The following MRAP2 variants were observed in gnomAD, a reference collection of about 807,000 sequenced individuals.
MRAP2 encodes the protein melanocortin 2 receptor accessory protein 2.
Under a neutral mutation model 17.4 loss-of-function variants are expected in MRAP2, and 20 were observed. The ratio of observed to expected loss-of-function variants is 1.15; its 90% CI spans 0.81 to 1.67. The LOEUF (loss-of-function observed/expected upper bound fraction) is 1.67, where lower values mean the gene tolerates loss of function less well. MRAP2 is among the 40% of genes most tolerant of loss of function. The pLI, the probability that MRAP2 is intolerant of heterozygous loss-of-function variation, is 0.00. For missense variants in MRAP2, 238 were observed against 240.0 expected, an observed-to-expected ratio of 0.99 and a Z score of 0.05; for synonymous variants, 96 against 88.4, an observed-to-expected ratio of 1.09 and a Z score of -0.48.
the MRAP2 span, among the ~76,000 whole-genome samples, chr6:84,138,733 T>A: frequency 6.6e-5 from 10 of 152,342 alleles, no homozygotes; most frequent in East Asian, 1.9e-3. Flanking sequence ...TTAAGTTAAC[T>A]AAAACTGACT....
At chr6:84,076,548 CAG>C (rs1272314789) in intron 3 of MRAP2, among the ~76,000 whole-genome samples, 1 of 151,934 alleles carries the variant, frequency 6.6e-6, no homozygotes, top group Non-Finnish European at 1.5e-5. Context: ...TTAGTAGAGA[CAG>C]GGTTTCACCA....
intron 3 of MRAP2, among the ~76,000 whole-genome samples, chr6:84,082,479 A>G (rs2099499253): frequency 6.6e-6 from 1 of 152,282 alleles, no homozygotes; most frequent in Non-Finnish European, 1.5e-5. Flanking sequence ...TCTTTCTTAA[A>G]TGACCAGTCA....
chr6:84,089,023 G>T (rs1433349193), intron 3 of MRAP2, 68 bp from the exon 4 acceptor site: 1 of 1,525,336 alleles, frequency 6.6e-7, no homozygotes, highest in Non-Finnish European at 8.8e-7. Flanking sequence ...CCTACGTGCA[G>T]AAAACCATGA....
At chr6:84,049,220 T>A (rs191834040) in intron 1 of MRAP2, among the ~76,000 whole-genome samples, 1 of 151,968 alleles carries the variant, frequency 6.6e-6, no homozygotes, top group African/African-American at 2.4e-5. Context: ...AGGTCAGGAG[T>A]TTGAGACCAA....
intron 1 of MRAP2, chr6:84,045,286 G>GA: frequency 2.0e-6 from 2 of 985,320 alleles, no homozygotes; most frequent in Non-Finnish European, 2.4e-6. Context: ...GGTGTTGGTG[G>GA]AGCTGTCAGG....
At chr6:84,039,091 A>T (rs1372904401) in intron 1 of MRAP2, among the ~76,000 whole-genome samples, 1 of 152,216 alleles carries the variant, frequency 6.6e-6, no homozygotes, top group Non-Finnish European at 1.5e-5. Context: ...TTACTTCCCC[A>T]GAGTGCAAGG....
rs767279914 is a variant in MRAP2 at position 84,048,326 on chromosome 6, G to A, written c.-7-6986G>A. ...TGCCATCTTAATAGGGTGTGTAGTG[G>A]TATCTCATTATGAAGCATTTCTTTT... On this transcript the variant is annotated intron_variant, in intron 1 of 3. Coordinates refer to ENST00000257776, the MANE Select transcript of MRAP2 (RefSeq NM_138409.4). Among the ~76,000 whole-genome samples the A allele has an allele frequency of 2.0e-5, 3 of 152,256 alleles. No individual in the cohort carries two copies. In the South Asian group the frequency reaches 6.2e-4, roughly 32 times the overall value.
intron 3 of MRAP2, among the ~76,000 whole-genome samples, chr6:84,072,817 C>T (rs2099496528): frequency 6.6e-6 from 1 of 152,054 alleles, no homozygotes; most frequent in Non-Finnish European, 1.5e-5. Context: ...AGGATTATGG[C>T]TGCCTCTGCT....
rs77994016 is a variant in MRAP2, at chr6:84,038,049, C to T, written c.-8+4166C>T. On this transcript the variant is annotated intron_variant, in intron 1 of 3. Coordinates refer to ENST00000257776, the MANE Select transcript of MRAP2 (RefSeq NM_138409.4). The stretch of plus-strand genomic sequence containing the variant: ...CCATGTGCTTCTTGCATTTGGGGCT[C>T]ACACAGGGGCCTAGGTGGCTGGATC... 6.5e-3 allele frequency among the ~76,000 whole-genome samples: 989 copies of T among 152,310 alleles called. 14 individuals carry two copies. The highest frequency in any genetic ancestry group is 0.022 in the African/African-American group (929 of 41,560).
chr6:84,136,368 A>G, the MRAP2 span, among the ~76,000 whole-genome samples: 1 of 152,334 alleles, frequency 6.6e-6, no homozygotes, highest in African/African-American at 2.4e-5. Context: ...GCATTAACCC[A>G]TGACAGAAGG....
At chr6:84,104,594 C>T in the MRAP2 span, among the ~76,000 whole-genome samples, 4 of 152,156 alleles carry the variant, frequency 2.6e-5, no homozygotes, top group Non-Finnish European at 4.4e-5. Context: ...ATCGGCTGGG[C>T]GCAGTGGCTC....
the MRAP2 span, among the ~76,000 whole-genome samples, chr6:84,102,208 A>C: frequency 6.6e-6 from 1 of 152,206 alleles, no homozygotes; most frequent in Non-Finnish European, 1.5e-5. Flanking sequence ...GTTGTAGACA[A>C]AATAATGCTA....
intron 1 of MRAP2, among the ~76,000 whole-genome samples, chr6:84,037,862 C>T (rs1238375723): frequency 1.3e-5 from 2 of 152,150 alleles, no homozygotes; most frequent in African/African-American, 4.8e-5. Flanking sequence ...CCAGCTCCAG[C>T]CTCGGCCAGC....
chr6:84,055,511 G>A, intron 2 of MRAP2, 66 bp downstream of exon 2: 1 of 1,486,680 alleles, frequency 6.7e-7, no homozygotes. Flanking sequence ...AAATCCCCAA[G>A]GATTACTTCT....
chr6:84,051,130 T>G (rs1465980594), intron 1 of MRAP2, among the ~76,000 whole-genome samples: 1 of 152,218 alleles, frequency 6.6e-6, no homozygotes, highest in East Asian at 1.9e-4. Flanking sequence ...AGCAGCCCCC[T>G]TAACATGCAT....
chr6:84,061,702 G>C, intron 2 of MRAP2: 1 of 892,830 alleles, frequency 1.1e-6, no homozygotes, highest in Non-Finnish European at 1.3e-6. Context: ...TGTGGCTAAG[G>C]TAAATACAGG....
chr6:84,060,951 G>A (rs1274491347), intron 2 of MRAP2, among the ~76,000 whole-genome samples: 2 of 149,704 alleles, frequency 1.3e-5, no homozygotes, highest in East Asian at 2.0e-4. Flanking sequence ...TGCCCGCCTC[G>A]GCCTCCCAAA....
intron 1 of MRAP2, among the ~76,000 whole-genome samples, chr6:84,039,758 A>G (rs977246574): frequency 3.9e-5 from 6 of 152,230 alleles, no homozygotes; most frequent in Admixed American, 1.3e-4. Context: ...AGCAAAAATA[A>G]CAATCACTGG....
At position 84,033,858 on chromosome 6, in the gene MRAP2, G is replaced by A. The variant is rs1239582950; in HGVS notation, c.-33G>A. On this transcript the variant is annotated 5_prime_UTR_variant, in exon 1 of 4. Coordinates refer to ENST00000257776, the MANE Select transcript of MRAP2 (RefSeq NM_138409.4). ...AGCCAGGAGCCGGAACCAGGGCCGA[G>A]CCCGCGGGCCGGGGCTAGCCAGCCG... is the stretch of plus-strand genomic sequence containing the variant. 3 of 986,852 alleles carry A rather than the reference G, an allele frequency of 3.0e-6. No individual in the cohort carries two copies. Among genetic ancestry groups the A allele is most frequent in the Non-Finnish European group, 3.6e-6 (3 of 830,670 alleles). 61.1% of individuals were successfully genotyped at this position (986,852 alleles called of 1,614,324 possible).
Sources: gnomAD v4.1 joint callset for allele counts (sites outside exome capture counted in the v4.1 genomes callset) on GRCh38, gnomAD v4.1.1 for gene constraint, MANE v1.5 for transcripts, NCBI Gene and HGNC (gene_info 2026-07-23, HGNC 2026-07-21) for gene names.